The following VPS37A variants were observed in gnomAD, a reference collection of about 807,000 sequenced individuals.
The protein encoded by VPS37A is VPS37A subunit of ESCRT-I.
VPS37A carries 30 observed loss-of-function variants against 49.8 expected under a neutral mutation model. That is an observed-to-expected ratio of 0.60 (90% CI 0.45 to 0.82). VPS37A has a LOEUF of 0.82. Among genes scored for constraint, VPS37A ranks in the 40% least tolerant of loss-of-function variants. VPS37A has a pLI of 0.00. For synonymous variants in VPS37A, 195 were observed against 160.6 expected (o/e 1.21, Z -1.62); for missense variants, 593 against 464.4 (o/e 1.28, Z -2.55).
At chr8:17,274,447 C>T (rs566693877) in intron 4 of VPS37A, among the ~76,000 whole-genome samples, 13 of 152,086 alleles carry the variant, frequency 8.5e-5, no homozygotes, top group South Asian at 4.1e-4. Flanking sequence ...AATGGCCTGT[C>T]TATCCACTTC....
the VPS37A span, among the ~76,000 whole-genome samples, chr8:17,317,128 A>ATG: frequency 6.6e-6 from 1 of 152,110 alleles, no homozygotes; most frequent in South Asian, 2.1e-4. Context: ...GCTTGCTTAT[A>ATG]TGTGTGTGTG....
downstream of VPS37A, chr8:17,298,486 C>G (rs1586116578): frequency 1.3e-5 from 2 of 152,456 alleles, no homozygotes; most frequent in East Asian, 3.9e-4. Flanking sequence ...CTAGAGAGAT[C>G]AGCAATGTTG....
In VPS37A at chr8:17,284,597, G is replaced by T. The variant is rs986694759; in HGVS notation, c.1094G>T (p.Ser365Ile). ...GKMEIDDFLS[S>I]FMEKRTICHC... is the part of the protein sequence containing the mutation. ...ATGGAAATAGATGATTTTCTCAGTAGCTTCATGGAAAAGAGAACAGTATGT... is the reference window on the plus strand; with the variant it reads ...ATGGAAATAGATGATTTTCTCAGTATCTTCATGGAAAAGAGAACAGTATGT... The change falls in exon 10 of 12, where the codon AGC becomes ATC. Residue 365 changes from serine to isoleucine, a missense_variant. Coordinates refer to ENST00000324849, the MANE Select transcript of VPS37A (RefSeq NM_152415.3). The T allele has an allele frequency of 1.9e-6, 3 of 1,599,204 alleles. No homozygotes were observed. The African/African-American group carries it at 4.1e-5, about 22-fold the overall frequency.
chr8:17,332,922 C>T, the VPS37A span, among the ~76,000 whole-genome samples: 21 of 152,052 alleles, frequency 1.4e-4, no homozygotes, highest in African/African-American at 2.7e-4. Flanking sequence ...GCATGGCAGG[C>T]GACAGGAGAA....
intron 1 of VPS37A, among the ~76,000 whole-genome samples, chr8:17,255,430 G>A (rs1458374201): frequency 2.0e-5 from 3 of 152,148 alleles, no homozygotes; most frequent in African/African-American, 7.2e-5. Context: ...GCAGTGAGCT[G>A]AGATAGTGAC....
chr8:17,272,080 C>A, intron 4 of VPS37A: 1 of 456,734 alleles, frequency 2.2e-6, no homozygotes, highest in Non-Finnish European at 4.4e-6. Flanking sequence ...TTTCTGTTTT[C>A]CATATTATTG....
chr8:17,249,591 C>G (rs571324266), intron 1 of VPS37A, among the ~76,000 whole-genome samples: 8 of 152,258 alleles, frequency 5.3e-5, no homozygotes, highest in Non-Finnish European at 8.8e-5. Flanking sequence ...ATGGCACAAT[C>G]CTGGAAAATG....
chr8:17,286,021 C>G (rs1456864482), intron 10 of VPS37A, among the ~76,000 whole-genome samples: 4 of 152,138 alleles, frequency 2.6e-5, no homozygotes, highest in African/African-American at 4.8e-5. Flanking sequence ...ATGTGATCCT[C>G]TGCCCAGTCG....
chr8:17,300,213 T>G, downstream of VPS37A: 1 of 1,602,176 alleles, frequency 6.2e-7, no homozygotes. Context: ...CCTTTTGAAT[T>G]TTTTCCAGCC....
chr8:17,329,889 A>C, the VPS37A span, among the ~76,000 whole-genome samples: 1 of 152,180 alleles, frequency 6.6e-6, no homozygotes, highest in Non-Finnish European at 1.5e-5. Flanking sequence ...TGAGAGACTG[A>C]CTGCCAATTA....
At position 17,295,466 on chromosome 8, in the gene VPS37A, A is replaced by T. The variant is rs2150438851; in HGVS notation, c.*480A>T. 6.5e-6 allele frequency: 1 copy of T among 152,740 alleles called. No individual in the cohort carries two copies. Among genetic ancestry groups the T allele is most frequent in the East Asian group, 1.9e-4 (1 of 5,188 alleles). The allele number at this position is 152,740 out of a possible 1,614,324, so 9.5% of individuals were successfully genotyped here. ...GGATAAAACTTTCAAAAGCAATTTA[A>T]GATATTCATAGTGTTAGGAAACACC... On this transcript the variant is annotated 3_prime_UTR_variant, in exon 12 of 12. Transcript: ENST00000324849.
At chr8:17,280,001 T>G (rs376855379) in intron 6 of VPS37A, 27 bp from the exon 7 acceptor site, 20 of 1,607,534 alleles carry the variant, frequency 1.2e-5, no homozygotes, top group East Asian at 1.1e-4. Context: ...CTGATATTTA[T>G]TGACATTTTT....
intron 1 of VPS37A, among the ~76,000 whole-genome samples, chr8:17,255,252 G>A (rs560937796): frequency 1.3e-5 from 2 of 152,060 alleles, no homozygotes; most frequent in East Asian, 1.9e-4. Flanking sequence ...AGGCTGAAGC[G>A]GGTGGATCGC....
the VPS37A span, among the ~76,000 whole-genome samples, chr8:17,317,672 C>T: frequency 0.59 from 89,015 of 151,976 alleles, 26,818 homozygotes; most frequent in African/African-American, 0.72. Context: ...AACTGCTTCT[C>T]GTGCAAACAT....
rs772484581 is a variant in VPS37A at position 17,265,836 on chromosome 8, C to T, written c.126-71C>T. ...TAAAGGTAGTTTTAGTAGATTCTAG[C>T]ACTTAACATTGGTTTTTAACAATAA... On this transcript the variant is annotated intron_variant, in intron 1 of 11. Transcript: ENST00000324849. 2.5e-6 allele frequency: 4 copies of T among 1,608,926 alleles called. No homozygotes were observed. The African/African-American group carries it at 4.0e-5, about 16-fold the overall frequency.
At chr8:17,317,884 C>G in the VPS37A span, among the ~76,000 whole-genome samples, 2 of 152,168 alleles carry the variant, frequency 1.3e-5, no homozygotes, top group East Asian at 3.9e-4. Flanking sequence ...CCTCCTCTTT[C>G]AATCTCCCGT....
At chr8:17,300,922 T>C (rs1254783490), downstream of VPS37A, among the ~76,000 whole-genome samples, 1 of 152,252 alleles carries the variant, frequency 6.6e-6, no homozygotes, top group African/African-American at 2.4e-5. Flanking sequence ...GTTCTCAGAA[T>C]TCATTCATGG....
chr8:17,309,303 A>C, the VPS37A span: 1 of 1,566,968 alleles, frequency 6.4e-7, no homozygotes. Context: ...GACCAAAGGA[A>C]ATCCAGTCCT....
intron 1 of VPS37A, 94 bp downstream of exon 1, chr8:17,247,463 C>T (rs1326675559): frequency 2.0e-5 from 29 of 1,472,376 alleles, no homozygotes; most frequent in Non-Finnish European, 2.4e-5. Context: ...CTGCTCCCCA[C>T]CAGCTCCTCA....
Sources: allele counts gnomAD v4.1 joint callset (sites outside exome capture counted in the v4.1 genomes callset), GRCh38; gene constraint gnomAD v4.1.1; transcripts MANE v1.5; gene names NCBI Gene and HGNC (gene_info 2026-07-23, HGNC 2026-07-21).